FMO3: variants seen among roughly 807,000 people sequenced by gnomAD.
The protein encoded by FMO3 is flavin-containing monooxygenase 3.
In FMO3, 40 loss-of-function variants were observed where a neutral mutation model predicts 39.4. The ratio of observed to expected loss-of-function variants is 1.02; its 90% confidence interval spans 0.79 to 1.32. The LOEUF is 1.32. Among genes scored for constraint, FMO3 ranks in the 40% most tolerant of loss-of-function variants. The pLI is 0.00. For synonymous variants in FMO3, 219 were observed against 228.8 expected, an observed-to-expected ratio of 0.96 and a Z score of 0.39; for missense variants, 680 against 651.8, an observed-to-expected ratio of 1.04 and a Z score of -0.47.
At chr1:171,096,034 TATATATTA>T (rs1654987093) in intron 2 of FMO3, among the ~76,000 whole-genome samples, 4 of 65,860 alleles carry the variant, frequency 6.1e-5, no homozygotes, top group Admixed American at 2.9e-4. Context: ...TAATATATAA[TATATATTA>T]TATATAAATA....
chr1:171,095,118 C>T (rs1437046876), intron 2 of FMO3, among the ~76,000 whole-genome samples: 1 of 151,950 alleles, frequency 6.6e-6, no homozygotes, highest in African/African-American at 2.4e-5. Flanking sequence ...GTGGTTTTCC[C>T]CAAAGAGATC....
chr1:171,095,939 A>G lies in FMO3; in HGVS notation c.132+3149A>G, dbSNP rs1465266551. 1.9e-3 allele frequency among the ~76,000 whole-genome samples: 164 copies of G among 87,942 alleles called. 2 individuals are homozygous for G. The highest frequency in any genetic ancestry group is 2.4e-3 in the Non-Finnish European group (120 of 49,458). The allele number at this position is 87,942 out of a possible 152,430, so 57.7% of individuals were successfully genotyped here. A position where few individuals can be genotyped will look rare whatever the true frequency, so the allele number is the denominator to read the frequency against. ...ATATATTTATATAATTATATATAAT[A>G]TATATTTATGTATTATAATTATATA... On this transcript the variant is annotated intron_variant, in intron 2 of 8. Transcript: ENST00000367755.
chr1:171,095,917 T>TACAATATA (rs1425514910), intron 2 of FMO3, among the ~76,000 whole-genome samples: 3 of 4,206 alleles, frequency 7.1e-4, no homozygotes, highest in East Asian at 0.083. Context: ...TATAAATATA[T>TACAATATA]ATTTATATAA....
intron 6 of FMO3, among the ~76,000 whole-genome samples, chr1:171,112,004 C>T (rs1655935246): frequency 6.6e-6 from 1 of 152,064 alleles, no homozygotes; most frequent in Non-Finnish European, 1.5e-5. Context: ...AGGGAGGAGA[C>T]TTTTAAGAAA....
At position 171,117,253 on chromosome 1, in the gene FMO3, G is replaced by A. The variant is rs747533614; in HGVS notation, c.1410G>A (p.Gln470=). 6.2e-7 allele frequency: 1 copy of A among 1,614,184 alleles called. No individual in the cohort carries two copies. Among genetic ancestry groups the A allele is most frequent in the South Asian group, 1.1e-5 (1 of 91,090 alleles). The part of the protein sequence containing the change: ...EVYFGPCSPY[Q]FRLVGPGQWP... ...ATTTTGGCCCTTGTAGTCCCTACCAGTTTAGGCTGGTGGGCCCAGGGCAGT... is the reference window on the plus strand; with the variant it reads ...ATTTTGGCCCTTGTAGTCCCTACCAATTTAGGCTGGTGGGCCCAGGGCAGT... Residue 470 remains glutamine (Q), a synonymous_variant, in exon 9 of 9, where the codon CAG becomes CAA. Transcript: ENST00000367755.
At chr1:171,108,311 G>C (rs1655746499) in intron 5 of FMO3, 90 bp downstream of exon 5, 2 of 1,476,572 alleles carry the variant, frequency 1.4e-6, no homozygotes, top group African/African-American at 1.4e-5. Flanking sequence ...TGGGGGAGGA[G>C]GGAAGGGTAT....
chr1:171,113,907 AT>A (rs1329876127), intron 6 of FMO3, 99 bp from the exon 7 acceptor site: 2 of 841,684 alleles, frequency 2.4e-6, no homozygotes, highest in Middle Eastern at 2.5e-4. Context: ...GAAAAAAAAA[AT>A]CTTGGGTCAT....
chr1:171,097,012 T>C (rs1425004884), intron 2 of FMO3, among the ~76,000 whole-genome samples: 1 of 150,108 alleles, frequency 6.7e-6, no homozygotes, highest in Non-Finnish European at 1.5e-5. Flanking sequence ...CATTGTTCAA[T>C]TCCCATCTAT....
chr1:171,092,052 G>A (rs1369506128), intron 1 of FMO3, among the ~76,000 whole-genome samples: 1 of 152,012 alleles, frequency 6.6e-6, no homozygotes, highest in Non-Finnish European at 1.5e-5. Context: ...CTTTTTGGTA[G>A]ACAGTAAATG....
chr1:171,096,063 A>ATT (rs373228386), intron 2 of FMO3, among the ~76,000 whole-genome samples: 1 of 55,118 alleles, frequency 1.8e-5, no homozygotes, highest in African/African-American at 1.1e-4. Context: ...TATAATATAT[A>ATT]TTATATATTA....
At chr1:171,110,699 G>A in intron 5 of FMO3, 99 bp from the exon 6 acceptor site, 4 of 1,086,036 alleles carry the variant, frequency 3.7e-6, no homozygotes, top group Non-Finnish European at 4.3e-6. Flanking sequence ...TTCTGCAGCT[G>A]GGGTAATAGA....
At chr1:171,096,118 AT>A in intron 2 of FMO3, among the ~76,000 whole-genome samples, 1 of 65,234 alleles carries the variant, frequency 1.5e-5, no homozygotes. Flanking sequence ...ATTATTATAT[AT>A]TAATAATATA....
At chr1:171,116,949 G>T (rs1656180734) in intron 8 of FMO3, 151 bp from the exon 9 acceptor site, 1 of 665,286 alleles carries the variant, frequency 1.5e-6, no homozygotes, top group Non-Finnish European at 2.7e-6. Context: ...AGAAATTGAT[G>T]TTGTATGTCA....
intron 3 of FMO3, among the ~76,000 whole-genome samples, chr1:171,106,718 A>C (rs1228559207): frequency 6.6e-6 from 1 of 152,216 alleles, no homozygotes; most frequent in Non-Finnish European, 1.5e-5. Flanking sequence ...ATCCAAAAGA[A>C]TATATAAATT....
At chr1:171,105,950 T>C (rs1222441865) in intron 3 of FMO3, among the ~76,000 whole-genome samples, 1 of 152,088 alleles carries the variant, frequency 6.6e-6, no homozygotes, top group East Asian at 1.9e-4. Flanking sequence ...CTGTTCAATA[T>C]AGTAGCCACT....
intron 8 of FMO3, 40 bp from the exon 9 acceptor site, chr1:171,117,060 G>A (rs1381701171): frequency 6.9e-7 from 1 of 1,441,316 alleles, no homozygotes; most frequent in Admixed American, 1.7e-5. Flanking sequence ...TCTACACAGA[G>A]TTTGGGTATC....
At chr1:171,110,412 G>T (rs548594549) in intron 5 of FMO3, among the ~76,000 whole-genome samples, 2 of 152,154 alleles carry the variant, frequency 1.3e-5, no homozygotes, top group South Asian at 4.1e-4. Flanking sequence ...CTGACCCTAA[G>T]ATGTAGATGT....
In FMO3 at chr1:171,097,635, GTTGT is replaced by G. The variant is rs1472516006; in HGVS notation, c.132+4852_132+4855del. 9.6e-4 allele frequency among the ~76,000 whole-genome samples: 139 copies of G among 145,220 alleles called. 2 individuals are homozygous for G. Among genetic ancestry groups the G allele is most frequent in the African/African-American group, 2.2e-3 (84 of 37,940 alleles). On this transcript the variant is annotated intron_variant, in intron 2 of 8. Transcript: ENST00000367755. ...TGTCCTTCACCCACTTTTTGATGGG[GTTGT>G]TTGTTTTTTTCTTGTAAATTTGTTT...
chr1:171,099,169 C>G (rs1254233909), intron 2 of FMO3, among the ~76,000 whole-genome samples: 5 of 152,152 alleles, frequency 3.3e-5, no homozygotes, highest in Admixed American at 6.6e-5. Flanking sequence ...AGTAGTCATT[C>G]AGGAGAAGGT....
Sources: allele counts gnomAD v4.1 joint callset (sites outside exome capture counted in the v4.1 genomes callset), GRCh38; gene constraint gnomAD v4.1.1; transcripts MANE v1.5; gene names NCBI Gene and HGNC (gene_info 2026-07-23, HGNC 2026-07-21).